Variants in CNTN1 observed in about 807,000 individuals in gnomAD.
CNTN1 encodes the protein contactin 1, also known as contactin-1.
A neutral mutation model predicts 126.4 loss-of-function variants in CNTN1; 38 were observed. That is an observed-to-expected ratio of 0.30 (90% confidence interval 0.23 to 0.39). The LOEUF is 0.39. Ranked by LOEUF, CNTN1 falls within the 10% of genes least tolerant of loss-of-function variation. The pLI, the probability that CNTN1 is intolerant of heterozygous loss-of-function variation, is 1.00. For synonymous variants in CNTN1, 413 were observed against 422.6 expected, an observed-to-expected ratio of 0.98 and a Z score of 0.28; for missense variants, 1,009 against 1,248.4, an observed-to-expected ratio of 0.81 and a Z score of 2.89.
rs755568280 is a variant in CNTN1, at chr12:40,922,389, G to A, written c.361G>A (p.Gly121Arg). 4 of 1,613,858 alleles carry A rather than the reference G, an allele frequency of 2.5e-6. No individual in the cohort carries two copies. The highest frequency in any genetic ancestry group is 2.7e-5 in the African/African-American group (2 of 74,886). Residue 121 changes from glycine to arginine, a missense_variant, in exon 5 of 24, where the codon GGG becomes AGG. Physicochemically the swap from Gly to Arg is moderately radical, Grantham distance 125 (BLOSUM62 -2). Transcript: ENST00000551295. ...IYYCLASNNY[G>R]MVRSTEATLS... ...CTACTGTTTAGCATCTAATAACTACGGGATGGTCAGAAGCACTGAAGCAAC... is the reference window on the plus strand; with the variant it reads ...CTACTGTTTAGCATCTAATAACTACAGGATGGTCAGAAGCACTGAAGCAAC...
chr12:40,798,474 G>A (rs1163731872), intron 1 of CNTN1, among the ~76,000 whole-genome samples: 3 of 152,044 alleles, frequency 2.0e-5, no homozygotes, highest in Admixed American at 6.6e-5. Flanking sequence ...AAGTTCTTTA[G>A]GTGGATGATA....
chr12:40,911,130 G>C (rs1171976648), intron 3 of CNTN1, among the ~76,000 whole-genome samples: 2 of 152,066 alleles, frequency 1.3e-5, no homozygotes, highest in Non-Finnish European at 2.9e-5. Flanking sequence ...ACCCAGGCTG[G>C]AGTGCAGCGG....
intron 1 of CNTN1, among the ~76,000 whole-genome samples, chr12:40,876,563 G>C (rs138429000): frequency 1.3e-5 from 2 of 151,950 alleles, no homozygotes; most frequent in Admixed American, 1.3e-4. Flanking sequence ...TAGGATACTA[G>C]AGCCAATGAA....
chr12:40,921,992 T>C lies in CNTN1; in HGVS notation c.228-264T>C, dbSNP rs74944236. Among the ~76,000 whole-genome samples, 218 of 152,288 alleles carry C rather than the reference T, an allele frequency of 1.4e-3. 5 individuals are homozygous for C. The East Asian group carries it at 0.037, about 26-fold the overall frequency. On this transcript the variant is annotated intron_variant, in intron 4 of 23. Transcript: ENST00000551295. ...ATTTATGGAGAAAAACTCAACAAAA[T>C]ATTTGTCACTTGAGATACCTCACAA...
At chr12:40,970,614 T>C (rs1947475055) in intron 15 of CNTN1, among the ~76,000 whole-genome samples, 1 of 152,144 alleles carries the variant, frequency 6.6e-6, no homozygotes, top group South Asian at 2.1e-4. Flanking sequence ...AATTACATGG[T>C]TTTCTATAAC....
intron 1 of CNTN1, among the ~76,000 whole-genome samples, chr12:40,797,196 T>C (rs1421528969): frequency 1.3e-5 from 2 of 152,044 alleles, no homozygotes; most frequent in Non-Finnish European, 2.9e-5. Context: ...AGGAAAGAGA[T>C]ACTGAATAAA....
intron 20 of CNTN1, among the ~76,000 whole-genome samples, chr12:41,022,075 T>C (rs1948926961): frequency 1.3e-5 from 2 of 152,194 alleles, no homozygotes; most frequent in Non-Finnish European, 2.9e-5. Flanking sequence ...TAGAAAATTA[T>C]ATATTATCTT....
At chr12:40,997,778 T>C (rs974691359) in intron 17 of CNTN1, among the ~76,000 whole-genome samples, 2 of 152,188 alleles carry the variant, frequency 1.3e-5, no homozygotes, top group East Asian at 1.9e-4. Flanking sequence ...ATGAAGTATA[T>C]GAAAATAACT....
intron 23 of CNTN1, among the ~76,000 whole-genome samples, chr12:41,058,792 A>G (rs1949880834): frequency 6.6e-6 from 1 of 152,172 alleles, no homozygotes; most frequent in African/African-American, 2.4e-5. Flanking sequence ...AAACTGAACA[A>G]GCACAATCTC....
intron 1 of CNTN1, among the ~76,000 whole-genome samples, chr12:40,835,188 G>T (rs1942002588): frequency 6.6e-6 from 1 of 152,120 alleles, no homozygotes; most frequent in Admixed American, 6.6e-5. Flanking sequence ...AAGTCATTTG[G>T]TCTCTCTTCT....
At chr12:40,751,845 T>C (rs927132973) in intron 1 of CNTN1, among the ~76,000 whole-genome samples, 2 of 152,100 alleles carry the variant, frequency 1.3e-5, no homozygotes, top group Non-Finnish European at 2.9e-5. Flanking sequence ...GATGAAATTA[T>C]ATGGTCTCTA....
intron 16 of CNTN1, among the ~76,000 whole-genome samples, chr12:40,984,164 A>C (rs1947895119): frequency 6.6e-6 from 1 of 151,548 alleles, no homozygotes; most frequent in African/African-American, 2.4e-5. Flanking sequence ...ATAATCTTAT[A>C]TTAATATTAT....
chr12:41,043,791 C>T (rs1407021831), intron 23 of CNTN1, among the ~76,000 whole-genome samples: 3 of 151,132 alleles, frequency 2.0e-5, no homozygotes, highest in Non-Finnish European at 1.5e-5. Flanking sequence ...AAATGTGGCA[C>T]ATATACACCA....
At chr12:40,772,701 A>G (rs1939388782) in intron 1 of CNTN1, among the ~76,000 whole-genome samples, 2 of 151,936 alleles carry the variant, frequency 1.3e-5, no homozygotes, top group African/African-American at 4.8e-5. Flanking sequence ...TCTTAACAGG[A>G]CAATCAGATT....
intron 1 of CNTN1, among the ~76,000 whole-genome samples, chr12:40,877,069 A>G (rs1241989117): frequency 2.0e-5 from 3 of 152,156 alleles, no homozygotes; most frequent in Non-Finnish European, 4.4e-5. Flanking sequence ...AATTGTGAGT[A>G]TGAACTTTCC....
At chr12:40,698,896 C>T (rs935343459) in intron 1 of CNTN1, among the ~76,000 whole-genome samples, 11 of 152,160 alleles carry the variant, frequency 7.2e-5, no homozygotes, top group South Asian at 2.1e-4. Flanking sequence ...TTTGCCTTCT[C>T]CTAATGCATC....
chr12:40,734,571 C>A (rs1942575582), intron 1 of CNTN1, among the ~76,000 whole-genome samples: 1 of 152,092 alleles, frequency 6.6e-6, no homozygotes, highest in Non-Finnish European at 1.5e-5. Flanking sequence ...CAGCTTCATT[C>A]AGCCCACATT....
intron 1 of CNTN1, among the ~76,000 whole-genome samples, chr12:40,872,828 G>A (rs1198606109): frequency 5.9e-5 from 9 of 151,888 alleles, no homozygotes; most frequent in Middle Eastern, 3.4e-3. Flanking sequence ...CCAAAATGCC[G>A]GGATTACAGT....
chr12:40,879,316 A>G (rs1353478786), intron 1 of CNTN1, among the ~76,000 whole-genome samples: 1 of 152,168 alleles, frequency 6.6e-6, no homozygotes, highest in Non-Finnish European at 1.5e-5. Flanking sequence ...ATTTTCCAAT[A>G]TTCTTCCTAC....
Sources: gnomAD v4.1 joint callset for allele counts (sites outside exome capture counted in the v4.1 genomes callset) on GRCh38, gnomAD v4.1.1 for gene constraint, MANE v1.5 for transcripts, NCBI Gene and HGNC (gene_info 2026-07-23, HGNC 2026-07-21) for gene names.